Variants in NTPCR observed in about 807,000 individuals in gnomAD.
The protein encoded by NTPCR is nucleoside-triphosphatase, cancer-related, also known as cancer-related nucleoside-triphosphatase.
In NTPCR, 15 loss-of-function variants were observed where a neutral mutation model predicts 19.5. That is an observed-to-expected ratio of 0.77 (90% CI 0.51 to 1.18). The LOEUF is 1.18. Ranked by LOEUF, NTPCR falls within the 50% of genes most tolerant of loss-of-function variation. The pLI, the probability that NTPCR is intolerant of heterozygous loss-of-function variation, is 0.00. For missense variants in NTPCR, 206 were observed against 240.4 expected, an observed-to-expected ratio of 0.86 and a Z score of 0.95; for synonymous variants, 90 against 95.8, an observed-to-expected ratio of 0.94 and a Z score of 0.36.
intron 3 of NTPCR, among the ~76,000 whole-genome samples, chr1:232,958,413 C>G (rs1379141732): frequency 6.6e-6 from 1 of 152,228 alleles, no homozygotes; most frequent in Non-Finnish European, 1.5e-5. Flanking sequence ...AGATCTTTGC[C>G]TCTCTGCTCC....
At chr1:232,972,254 G>A (rs911960934) in intron 4 of NTPCR, among the ~76,000 whole-genome samples, 1 of 151,764 alleles carries the variant, frequency 6.6e-6, no homozygotes, top group Admixed American at 6.6e-5. Context: ...TTTTGTTGTT[G>A]TTGCTTTGGG....
Position 232,978,204 on chromosome 1 carries a change from G to A in NTPCR, c.546G>A (p.Val182=), listed in dbSNP as rs781447283. 4 of 1,614,100 alleles carry A rather than the reference G, an allele frequency of 2.5e-6. No homozygotes were observed. Among genetic ancestry groups the A allele is most frequent in the Admixed American group, 1.7e-5 (1 of 60,016 alleles). ...GAAACCACCTTCTGCCAGATATCGT[G>A]ACGTGCGTGCAGAGCAGCAGGAAGT... ...ENRNHLLPDI[V]TCVQSSRK is the part of the protein sequence containing the mutation. The change falls in exon 5 of 5, where the codon GTG becomes GTA. Residue 182 remains valine, a synonymous_variant. Transcript: ENST00000366628.
chr1:232,971,693 ATAAGT>A (rs1050619897), intron 4 of NTPCR, among the ~76,000 whole-genome samples: 3 of 152,164 alleles, frequency 2.0e-5, no homozygotes, highest in African/African-American at 7.2e-5. Flanking sequence ...ATGTGAACAG[ATAAGT>A]TAAGCAATTT....
In NTPCR at chr1:232,971,075, C is replaced by G. The variant is rs577131182; in HGVS notation, c.504+957C>G. ...CAGCGTCTGAGCCAGTCGGAAGGGA[C>G]TCATGGCATTGCTGGCACTTTGTCT... On this transcript the variant is annotated intron_variant, in intron 4 of 4. Coordinates refer to ENST00000366628, the MANE Select transcript of NTPCR (RefSeq NM_032324.3). Among the ~76,000 whole-genome samples, 77 of 152,368 alleles carry G rather than the reference C, an allele frequency of 5.1e-4. 2 individuals are homozygous for G. In the South Asian group the frequency reaches 8.5e-3, roughly 17 times the overall value.
rs988591937 is a variant in NTPCR at position 232,982,392 on chromosome 1, C to T, written c.*4161C>T. Reference sequence around the variant, plus strand: ...CCTCGGTATGCACACTCGAGATGCCCGCTCTCATAGACGGTGCAGAGCGTC... The same window carrying T: ...CCTCGGTATGCACACTCGAGATGCCTGCTCTCATAGACGGTGCAGAGCGTC... On this transcript the variant is annotated 3_prime_UTR_variant, in exon 5 of 5. Transcript: ENST00000366628. 11 of 152,172 alleles carry T rather than the reference C, an allele frequency of 7.2e-5. No homozygotes were observed. The highest frequency in any genetic ancestry group is 4.2e-4 in the South Asian group (2 of 4,816). 9.4% of individuals were successfully genotyped at this position (152,172 alleles called of 1,614,324 possible). A position where few individuals can be genotyped will look rare whatever the true frequency, so the allele number is the denominator to read the frequency against.
chr1:232,972,222 G>A (rs1044155419), intron 4 of NTPCR, among the ~76,000 whole-genome samples: 1 of 152,184 alleles, frequency 6.6e-6, no homozygotes, highest in African/African-American at 2.4e-5. Flanking sequence ...GTAAGAGATA[G>A]GGGCTGACAT....
At chr1:232,967,852 G>C (rs949868698) in intron 3 of NTPCR, 11 of 152,224 alleles carry the variant, frequency 7.2e-5, no homozygotes, top group African/African-American at 2.7e-4. Flanking sequence ...AATGTCCACA[G>C]CACTTGGGAA....
At chr1:232,977,691 G>A (rs1669162020) in intron 4 of NTPCR, among the ~76,000 whole-genome samples, 1 of 152,134 alleles carries the variant, frequency 6.6e-6, no homozygotes, top group Admixed American at 6.5e-5. Flanking sequence ...GATGTTTGTG[G>A]AGAGGCGGGT....
chr1:232,976,170 A>C (rs1480706460), intron 4 of NTPCR: 2 of 623,292 alleles, frequency 3.2e-6, no homozygotes, highest in African/African-American at 3.8e-5. Context: ...TATAATGTAC[A>C]TATTTATGGG....
rs1668366487 is a variant in NTPCR at position 232,951,553 on chromosome 1, A to G, written c.34+809A>G. On this transcript the variant is annotated intron_variant, in intron 1 of 4. Coordinates refer to ENST00000366628, the MANE Select transcript of NTPCR (RefSeq NM_032324.3). ...TGCATCAGATAGGCTAAAAAAAGAT[A>G]GATGGGCTAAGAGTGGAGAAAGTGA... 3.9e-5 allele frequency among the ~76,000 whole-genome samples: 6 copies of G among 152,366 alleles called. 1 individual carries two copies. The highest frequency in any genetic ancestry group is 1.2e-4 in the African/African-American group (5 of 41,582).
At chr1:232,955,263 C>G (rs989025972) in intron 1 of NTPCR, among the ~76,000 whole-genome samples, 1 of 152,152 alleles carries the variant, frequency 6.6e-6, no homozygotes, top group Admixed American at 6.6e-5. Context: ...AGGAACCTCT[C>G]AGTTGATTCT....
chr1:232,970,913 A>G (rs184944267), intron 4 of NTPCR, among the ~76,000 whole-genome samples: 325 of 152,268 alleles, frequency 2.1e-3, no homozygotes, highest in African/African-American at 3.4e-3. Flanking sequence ...CCCTGGTCCA[A>G]GGAGTCAAAC....
chr1:232,960,661 A>C (rs1221776007), intron 3 of NTPCR, among the ~76,000 whole-genome samples: 2 of 152,250 alleles, frequency 1.3e-5, no homozygotes, highest in East Asian at 3.9e-4. Context: ...TTCTTTAGGC[A>C]GGAATGGAGC....
chr1:232,952,947 G>A (rs1002945624), intron 1 of NTPCR, among the ~76,000 whole-genome samples: 2 of 152,148 alleles, frequency 1.3e-5, no homozygotes, highest in African/African-American at 4.8e-5. Context: ...GAGCAGGCCA[G>A]AAGAGCCAGG....
chr1:232,956,701 A>G (rs887987600), intron 3 of NTPCR, among the ~76,000 whole-genome samples: 3 of 152,214 alleles, frequency 2.0e-5, no homozygotes, highest in African/African-American at 7.2e-5. Context: ...ATTCCCAAAG[A>G]TAAGTCTTTC....
rs1298773204 is a variant in NTPCR at position 232,959,722 on chromosome 1, G to T, written c.294+3279G>T. Among the ~76,000 whole-genome samples, 11 of 152,252 alleles carry T rather than the reference G, an allele frequency of 7.2e-5. No homozygotes were observed. The East Asian group carries it at 2.1e-3, about 29-fold the overall frequency. ...ACACAGTATTAGTTCATAGTGCTGG[G>T]ATCTATGAAAACACAAATTCCGATA... On this transcript the variant is annotated intron_variant, in intron 3 of 4. Transcript: ENST00000366628.
chr1:232,979,002 A>T lies in NTPCR; in HGVS notation c.*771A>T, dbSNP rs1669221075. 1 of 152,192 alleles carries T rather than the reference A, an allele frequency of 6.6e-6. No individual in the cohort carries two copies. Among genetic ancestry groups the T allele is most frequent in the Non-Finnish European group, 1.5e-5 (1 of 68,046 alleles). 9.4% of individuals were successfully genotyped at this position (152,192 alleles called of 1,614,324 possible). The stretch of plus-strand genomic sequence containing the variant: ...GGAAGTGGCTGTCATCTCAGGAGTG[A>T]TGTCACACCACAGAAGGAAACTGTC... On this transcript the variant is annotated 3_prime_UTR_variant, in exon 5 of 5. Transcript: ENST00000366628. The surrounding 1 kb of genome is among the most constrained non-coding windows in gnomAD (Gnocchi z 5.3).
intron 3 of NTPCR, among the ~76,000 whole-genome samples, chr1:232,957,921 G>A (rs1300797101): frequency 6.6e-6 from 1 of 152,180 alleles, no homozygotes; most frequent in Non-Finnish European, 1.5e-5. Flanking sequence ...GAGGGCATTG[G>A]GGAGAGAGAG....
chr1:232,965,010 C>G (rs1668774833), intron 3 of NTPCR: 1 of 152,126 alleles, frequency 6.6e-6, no homozygotes. Flanking sequence ...AGTCCTTTTA[C>G]TTTATCATAT....
Sources: allele counts gnomAD v4.1 joint callset (sites outside exome capture counted in the v4.1 genomes callset), GRCh38; gene constraint gnomAD v4.1.1; non-coding constraint Gnocchi (gnomAD v3.1); transcripts MANE v1.5; gene names NCBI Gene and HGNC (gene_info 2026-07-23, HGNC 2026-07-21).